TANC2: variants seen among roughly 807,000 people sequenced by gnomAD.
TANC2 encodes the protein tetratricopeptide repeat, ankyrin repeat and coiled-coil containing 2, also known as protein TANC2.
A neutral mutation model predicts 210.5 loss-of-function variants in TANC2; 26 were observed. That is an observed-to-expected ratio of 0.12 (90% CI 0.09 to 0.17). The LOEUF is 0.17. Ranked by LOEUF, TANC2 falls within the 10% of genes least tolerant of loss-of-function variation. TANC2 has a pLI of 1.00. For synonymous variants in TANC2, 931 were observed against 967.1 expected (o/e 0.96, Z 0.69); for missense variants, 2,129 against 2,608.9 (o/e 0.82, Z 4.01).
intron 5 of TANC2, among the ~76,000 whole-genome samples, chr17:63,157,456 C>A (rs569615250): frequency 6.6e-6 from 1 of 152,236 alleles, no homozygotes; most frequent in African/African-American, 2.4e-5. Context: ...AACTGTAAAA[C>A]CATTTTAACT....
chr17:63,140,222 A>T (rs1268872172), intron 4 of TANC2, among the ~76,000 whole-genome samples: 4 of 152,214 alleles, frequency 2.6e-5, no homozygotes, highest in African/African-American at 4.8e-5. Flanking sequence ...GCCGCACATT[A>T]AAATTTTCTT....
intron 9 of TANC2, among the ~76,000 whole-genome samples, chr17:63,285,901 C>G (rs953794479): frequency 1.3e-5 from 2 of 152,044 alleles, no homozygotes; most frequent in African/African-American, 4.8e-5. Flanking sequence ...GCCGTTCTTA[C>G]CAGTTCTGGG....
At chr17:63,351,112 AT>A in intron 12 of TANC2, 137 bp from the exon 13 acceptor site, 2 of 758,508 alleles carry the variant, frequency 2.6e-6, no homozygotes, top group Non-Finnish European at 4.1e-6. Flanking sequence ...AGAATAAATT[AT>A]GTACCCTGAG....
chr17:63,146,175 T>A (rs886379939), intron 4 of TANC2, among the ~76,000 whole-genome samples: 2 of 152,194 alleles, frequency 1.3e-5, no homozygotes, highest in Non-Finnish European at 2.9e-5. Flanking sequence ...CTATTTTAAA[T>A]TGAACTGTCT....
intron 5 of TANC2, among the ~76,000 whole-genome samples, chr17:63,174,313 C>T (rs145380918): frequency 2.4e-4 from 37 of 152,300 alleles, no homozygotes; most frequent in Admixed American, 7.8e-4. Context: ...CCTTATACTA[C>T]CTCCACTCCA....
At chr17:63,181,621 T>G (rs1378189019) in intron 5 of TANC2, among the ~76,000 whole-genome samples, 1 of 152,204 alleles carries the variant, frequency 6.6e-6, no homozygotes, top group East Asian at 1.9e-4. Flanking sequence ...AAACAGAAAT[T>G]TCACTTGACA....
chr17:63,053,311 A>G (rs1420325223), intron 2 of TANC2, among the ~76,000 whole-genome samples: 1 of 152,186 alleles, frequency 6.6e-6, no homozygotes, highest in African/African-American at 2.4e-5. Context: ...CACCCCTGCC[A>G]CTCCACAGAG....
rs879934418 is a variant in TANC2 at position 62,966,592 on chromosome 17, G to T, written c.-181G>T. Reference sequence around the variant, plus strand: ...CTGCGCTCGCCGGCTGCGAGGCCCCGCCGCGCCGTTCCGGGGTGCAGACTC... The same window carrying T: ...CTGCGCTCGCCGGCTGCGAGGCCCCTCCGCGCCGTTCCGGGGTGCAGACTC... On this transcript the variant is annotated 5_prime_UTR_variant, in exon 1 of 28. Coordinates refer to ENST00000689528, the Ensembl canonical transcript of TANC2. This position sits in a 1 kb window ranked among gnomAD's most constrained non-coding sequence, Gnocchi z 5.1. Among the ~76,000 whole-genome samples the T allele has an allele frequency of 6.6e-6, 1 of 151,294 alleles. No individual in the cohort carries two copies. The highest frequency in any genetic ancestry group is 6.6e-5 in the Admixed American group (1 of 15,196).
intron 15 of TANC2, among the ~76,000 whole-genome samples, chr17:63,386,174 TAGTG>T (rs1402292700): frequency 1.3e-5 from 2 of 152,184 alleles, no homozygotes; most frequent in Admixed American, 6.5e-5. Flanking sequence ...AAAGCTATAA[TAGTG>T]AGGGAGAACA....
At chr17:63,153,539 T>A (rs2039729909) in intron 5 of TANC2, 1 of 152,156 alleles carries the variant, frequency 6.6e-6, no homozygotes, top group Non-Finnish European at 1.5e-5. Context: ...AATTTCTTAC[T>A]CAGTAGGTCT....
chr17:63,146,497 C>G (rs555875411), intron 4 of TANC2, among the ~76,000 whole-genome samples: 11 of 152,158 alleles, frequency 7.2e-5, no homozygotes, highest in Admixed American at 5.9e-4. Flanking sequence ...ATCTCAAATC[C>G]AACTTTGTGA....
chr17:63,207,341 G>A (rs1468249186), intron 7 of TANC2, among the ~76,000 whole-genome samples: 7 of 146,174 alleles, frequency 4.8e-5, no homozygotes, highest in Admixed American at 1.4e-4. Context: ...TCAGCCTCCC[G>A]AGTAGCTGGG....
chr17:62,968,701 G>A (rs1368809991), intron 1 of TANC2, among the ~76,000 whole-genome samples: 1 of 152,078 alleles, frequency 6.6e-6, no homozygotes, highest in Non-Finnish European at 1.5e-5. Flanking sequence ...TGATAGTTGC[G>A]CTCGGGGAAC....
chr17:63,166,819 A>G lies in TANC2; in HGVS notation c.433+15439A>G, dbSNP rs1598509300. On this transcript the variant is annotated intron_variant, in intron 5 of 27. Transcript: ENST00000689528. ...TCATCAGATACATATATATGGGGAAAATGTTCGAGTTGTAAGGGTTTGGTT... is the reference window on the plus strand; with the variant it reads ...TCATCAGATACATATATATGGGGAAGATGTTCGAGTTGTAAGGGTTTGGTT... 2.6e-5 allele frequency among the ~76,000 whole-genome samples: 4 copies of G among 152,260 alleles called. No individual in the cohort carries two copies. The South Asian group carries it at 8.3e-4, about 32-fold the overall frequency.
At chr17:63,324,190 A>C (rs763838393) in intron 11 of TANC2, among the ~76,000 whole-genome samples, 9 of 152,248 alleles carry the variant, frequency 5.9e-5, no homozygotes, top group Non-Finnish European at 1.2e-4. Flanking sequence ...TAGATTAAGA[A>C]GCTAACATAT....
At chr17:63,110,546 G>A (rs940099835) in intron 4 of TANC2, among the ~76,000 whole-genome samples, 1 of 148,398 alleles carries the variant, frequency 6.7e-6, no homozygotes, top group Non-Finnish European at 1.5e-5. Flanking sequence ...TCTGGTGAGG[G>A]CTGCTGTCTG....
intron 9 of TANC2, among the ~76,000 whole-genome samples, chr17:63,310,748 C>A (rs1418399764): frequency 1.3e-5 from 2 of 152,254 alleles, no homozygotes; most frequent in East Asian, 3.9e-4. Context: ...CAATGAGATG[C>A]CATTCTTAAC....
At chr17:63,157,078 G>A (rs1461886768) in intron 5 of TANC2, among the ~76,000 whole-genome samples, 4 of 152,144 alleles carry the variant, frequency 2.6e-5, no homozygotes, top group African/African-American at 9.7e-5. Context: ...TGTAGCTAAT[G>A]AAATTTTAGG....
intron 1 of TANC2, among the ~76,000 whole-genome samples, chr17:62,993,431 C>T (rs1265521702): frequency 6.6e-6 from 1 of 152,150 alleles, no homozygotes; most frequent in Non-Finnish European, 1.5e-5. Context: ...TGCCATCTTA[C>T]CATTAAGTCT....
Sources: allele counts gnomAD v4.1 joint callset (sites outside exome capture counted in the v4.1 genomes callset), GRCh38; gene constraint gnomAD v4.1.1; non-coding constraint Gnocchi (gnomAD v3.1); transcripts MANE v1.5; gene names NCBI Gene and HGNC (gene_info 2026-07-23, HGNC 2026-07-21).